Variants in MRAP2 observed in about 807,000 individuals in gnomAD.
MRAP2 encodes melanocortin 2 receptor accessory protein 2, also known as melanocortin-2 receptor accessory protein 2.
In MRAP2, 20 loss-of-function variants were observed where a neutral mutation model predicts 17.4. The observed-to-expected ratio is 1.15, with a 90% CI of 0.81 to 1.67. The LOEUF (loss-of-function observed/expected upper bound fraction) is 1.67. MRAP2 is among the 40% of genes most tolerant of loss of function. The probability of loss-of-function intolerance (pLI) is 0.00; values close to 1 mark genes in which losing one functional copy is unlikely to be tolerated. For missense variants in MRAP2, 238 were observed against 240.0 expected (o/e 0.99, Z 0.05); for synonymous variants, 96 against 88.4 (o/e 1.09, Z -0.48).
At chr6:84,099,613 C>G in the MRAP2 span, among the ~76,000 whole-genome samples, 1 of 152,204 alleles carries the variant, frequency 6.6e-6, no homozygotes, top group East Asian at 1.9e-4. Flanking sequence ...GGCACCTCCT[C>G]CTCTCCTTCT....
intron 1 of MRAP2, among the ~76,000 whole-genome samples, chr6:84,041,018 C>A (rs1437703429): frequency 1.3e-5 from 2 of 152,166 alleles, no homozygotes; most frequent in African/African-American, 4.8e-5. Context: ...CCACCCATGG[C>A]CTGGAGGCCT....
the MRAP2 span, among the ~76,000 whole-genome samples, chr6:84,125,903 A>C: frequency 6.6e-6 from 1 of 152,194 alleles, no homozygotes; most frequent in Non-Finnish European, 1.5e-5. Context: ...AAATTTCAGC[A>C]CCAAGGCAAG....
At chr6:84,096,527 C>T in the MRAP2 span, among the ~76,000 whole-genome samples, 3 of 152,032 alleles carry the variant, frequency 2.0e-5, no homozygotes, top group South Asian at 2.1e-4. Flanking sequence ...GAAATGTATG[C>T]GAATGACTTG....
chr6:84,142,808 G>C, the MRAP2 span, among the ~76,000 whole-genome samples: 3 of 152,030 alleles, frequency 2.0e-5, no homozygotes, highest in African/African-American at 7.2e-5. Flanking sequence ...ATTATTCCAT[G>C]TATATTAAGC....
chr6:84,124,959 C>T, the MRAP2 span: 1 of 821,980 alleles, frequency 1.2e-6, no homozygotes, highest in Non-Finnish European at 1.9e-6. Flanking sequence ...TGGTTGTTTG[C>T]TTTCTGGAAA....
At chr6:84,133,913 G>GA in the MRAP2 span, among the ~76,000 whole-genome samples, 2 of 152,186 alleles carry the variant, frequency 1.3e-5, no homozygotes, top group Non-Finnish European at 2.9e-5. Context: ...TCAGTTGGAA[G>GA]TTCAGAAATC....
At chr6:84,127,220 T>C in the MRAP2 span, among the ~76,000 whole-genome samples, 1 of 152,112 alleles carries the variant, frequency 6.6e-6, no homozygotes, top group African/African-American at 2.4e-5. Flanking sequence ...AGAATCAGAT[T>C]TTGCTAATTG....
At chr6:84,108,042 T>C in the MRAP2 span, among the ~76,000 whole-genome samples, 1 of 152,238 alleles carries the variant, frequency 6.6e-6, no homozygotes, top group Admixed American at 6.5e-5. Flanking sequence ...TTATCTGGGA[T>C]GTATGCACAG....
rs542418253 is a variant in MRAP2 at position 84,061,816 on chromosome 6, G to T, written c.128-1077G>T. On this transcript the variant is annotated intron_variant, in intron 2 of 3. Coordinates refer to ENST00000257776, the MANE Select transcript of MRAP2 (RefSeq NM_138409.4). ...CAGTAGCCAGCACCTGTGGTGTACT[G>T]TTTTCTCAGATGTCAGACATTGTAT... is the stretch of plus-strand genomic sequence containing the variant. 8.8e-5 allele frequency: 87 copies of T among 985,414 alleles called. No individual in the cohort carries two copies. The African/African-American group carries it at 1.4e-3, about 16-fold the overall frequency. 61.0% of individuals were successfully genotyped at this position (985,414 alleles called of 1,614,324 possible). A position where few individuals can be genotyped will look rare whatever the true frequency, so the allele number is the denominator to read the frequency against.
downstream of MRAP2, among the ~76,000 whole-genome samples, chr6:84,094,330 T>A (rs9449783): frequency 0.065 from 9,929 of 152,232 alleles, 858 homozygotes; most frequent in African/African-American, 0.2. Flanking sequence ...GTTTTTGCAA[T>A]ATAATTGGCT....
At chr6:84,097,898 A>T in the MRAP2 span, among the ~76,000 whole-genome samples, 1 of 152,220 alleles carries the variant, frequency 6.6e-6, no homozygotes, top group African/African-American at 2.4e-5. Context: ...CTAGAGGCTG[A>T]TTATCTCAGT....
chr6:84,065,381 C>A (rs532953117), intron 3 of MRAP2, among the ~76,000 whole-genome samples: 6 of 152,220 alleles, frequency 3.9e-5, no homozygotes, highest in Non-Finnish European at 7.4e-5. Context: ...ATCTATTTAA[C>A]AACCACTAAA....
At chr6:84,091,161 T>C (rs1359231596), downstream of MRAP2, among the ~76,000 whole-genome samples, 2 of 103,864 alleles carry the variant, frequency 1.9e-5, no homozygotes, top group Admixed American at 1.8e-4. Context: ...CTTTAACATA[T>C]TTTTTATAAA....
the MRAP2 span, among the ~76,000 whole-genome samples, chr6:84,112,765 G>A: frequency 6.9e-3 from 1,055 of 152,234 alleles, 5 homozygotes; most frequent in African/African-American, 0.024. Flanking sequence ...TCTACACACT[G>A]CTTTAAATGT....
chr6:84,134,402 A>G, the MRAP2 span, among the ~76,000 whole-genome samples: 3 of 151,542 alleles, frequency 2.0e-5, no homozygotes, highest in Non-Finnish European at 4.4e-5. Context: ...ATGAAAAAAA[A>G]CTCCTGCAGC....
the MRAP2 span, among the ~76,000 whole-genome samples, chr6:84,107,549 G>T: frequency 9.2e-4 from 140 of 152,284 alleles, no homozygotes; most frequent in Middle Eastern, 0.014. Flanking sequence ...TTGTGAAAGG[G>T]AAAGGCAATC....
chr6:84,124,944 T>G, the MRAP2 span: 1 of 729,828 alleles, frequency 1.4e-6, no homozygotes, highest in South Asian at 1.7e-5. Context: ...TTTGAAATGT[T>G]GCTTTGGTTG....
the MRAP2 span, among the ~76,000 whole-genome samples, chr6:84,121,315 A>C: frequency 6.6e-6 from 1 of 152,096 alleles, no homozygotes; most frequent in African/African-American, 2.4e-5. Context: ...TGGTGGAATG[A>C]AATTAGAAAT....
At chr6:84,050,084 T>G (rs1052598273) in intron 1 of MRAP2, among the ~76,000 whole-genome samples, 4 of 151,840 alleles carry the variant, frequency 2.6e-5, no homozygotes, top group Non-Finnish European at 5.9e-5. Flanking sequence ...AAAATAGTCG[T>G]GAGGAGGAGA....
Sources: gnomAD v4.1 joint callset for allele counts (sites outside exome capture counted in the v4.1 genomes callset) on GRCh38, gnomAD v4.1.1 for gene constraint, MANE v1.5 for transcripts, NCBI Gene and HGNC (gene_info 2026-07-23, HGNC 2026-07-21) for gene names.